Variants in ITSN1 observed in about 807,000 individuals in gnomAD.
The protein encoded by ITSN1 is intersectin 1, also known as intersectin-1.
In ITSN1, 58 loss-of-function variants were observed where a neutral mutation model predicts 239.8. The observed-to-expected ratio is 0.24, with a 90% confidence interval of 0.20 to 0.30. The LOEUF is 0.30. ITSN1 is among the 10% of genes least tolerant of loss of function. The pLI is 1.00. For missense variants in ITSN1, 1,558 were observed against 2,103.3 expected (o/e 0.74, Z 5.07); for synonymous variants, 780 against 770.8 (o/e 1.01, Z -0.20).
In ITSN1 at chr21:33,755,416, T is replaced by G. The variant is rs182931291; in HGVS notation, c.724+19T>G. On this transcript the variant is annotated intron_variant, in intron 8 of 39. Transcript: ENST00000381318. Reference sequence around the variant, plus strand: ...TTAACAGGTATTTACAAATAAAAATTAGTGAAATATGATCTTTGTTTTCAA... The same window carrying G: ...TTAACAGGTATTTACAAATAAAAATGAGTGAAATATGATCTTTGTTTTCAA... 3.1e-4 allele frequency: 405 copies of G among 1,303,280 alleles called. No homozygotes were observed. The African/African-American group carries it at 5.3e-3, about 17-fold the overall frequency. 80.7% of individuals were successfully genotyped at this position (1,303,280 alleles called of 1,614,324 possible).
intron 31 of ITSN1, among the ~76,000 whole-genome samples, chr21:33,859,879 C>T (rs562350483): frequency 6.6e-6 from 1 of 152,176 alleles, no homozygotes; most frequent in African/African-American, 2.4e-5. Context: ...TGCCCGCGCC[C>T]CCTGCCACCC....
chr21:33,768,149 G>A (rs1014272103), intron 11 of ITSN1, among the ~76,000 whole-genome samples: 1 of 152,186 alleles, frequency 6.6e-6, no homozygotes, highest in African/African-American at 2.4e-5. Flanking sequence ...GTATTAAGGT[G>A]ATTGCTTAAT....
chr21:33,888,445 T>G lies in ITSN1; in HGVS notation c.*145T>G. The G allele has an allele frequency of 1.3e-6, 1 of 761,932 alleles. No homozygotes were observed. Among genetic ancestry groups the G allele is most frequent in the Non-Finnish European group, 2.1e-6 (1 of 486,562 alleles). The allele number at this position is 761,932 out of a possible 1,614,324, so 47.2% of individuals were successfully genotyped here. A position where few individuals can be genotyped will look rare whatever the true frequency, so the allele number is the denominator to read the frequency against. On this transcript the variant is annotated 3_prime_UTR_variant, in exon 40 of 40. Coordinates refer to ENST00000381318, the MANE Select transcript of ITSN1 (RefSeq NM_003024.3). The stretch of plus-strand genomic sequence containing the variant: ...GCAAAGACAGGCCCCTCAAAGCTCC[T>G]AGGAATCATTCTCGACAATCCTCCC...
At chr21:33,720,087 G>T (rs1014160227) in intron 2 of ITSN1, among the ~76,000 whole-genome samples, 7 of 152,076 alleles carry the variant, frequency 4.6e-5, no homozygotes, top group Non-Finnish European at 1.0e-4. Context: ...TCTGGTTTTT[G>T]TTTATAGTTA....
rs186874321 is a variant in ITSN1, at chr21:33,755,807, C to G, written c.724+410C>G. Among the ~76,000 whole-genome samples, 1,096 of 151,442 alleles carry G rather than the reference C, an allele frequency of 7.2e-3. 14 individuals carry two copies. Among genetic ancestry groups the G allele is most frequent in the African/African-American group, 0.026 (1,042 of 40,720 alleles). On this transcript the variant is annotated intron_variant, in intron 8 of 39. Coordinates refer to ENST00000381318, the MANE Select transcript of ITSN1 (RefSeq NM_003024.3). The stretch of plus-strand genomic sequence containing the variant: ...AAAGCAGGGAGTTGAGAACATGGCT[C>G]TGTCTCAGATAACTGCCTAGATAGG...
chr21:33,664,654 G>A (rs566180903), intron 1 of ITSN1, among the ~76,000 whole-genome samples: 29 of 152,298 alleles, frequency 1.9e-4, no homozygotes, highest in Admixed American at 7.8e-4. Flanking sequence ...GAATGAGGTC[G>A]ATCACAGTTC....
Position 33,886,400 on chromosome 21 carries a change from G to T in ITSN1, c.4957G>T (p.Asp1653Tyr). 1 of 1,613,442 alleles carries T rather than the reference G, an allele frequency of 6.2e-7. No individual in the cohort carries two copies. The highest frequency in any genetic ancestry group is 8.5e-7 in the Non-Finnish European group (1 of 1,179,750). ...TTCCAACTGCCAGTTCTTCATCCGA[G>T]ACCTGGAGCAGGAAGTCCTCTGCAT... ...WNSNCQFFIR[D>Y]LEQEVLCITV... The change falls in exon 39 of 40, where the codon GAC (aspartate) becomes TAC (tyrosine). Residue 1653 changes from aspartate to tyrosine, a missense_variant. Asp to Tyr is a radical substitution (Grantham distance 160). Coordinates refer to ENST00000381318, the MANE Select transcript of ITSN1 (RefSeq NM_003024.3).
intron 34 of ITSN1, among the ~76,000 whole-genome samples, chr21:33,880,577 T>G (rs1984723948): frequency 6.6e-6 from 1 of 152,192 alleles, no homozygotes; most frequent in Non-Finnish European, 1.5e-5. Flanking sequence ...CAGTGGCCCC[T>G]TTCCAGCTGC....
At chr21:33,825,760 A>G (rs569300828) in intron 25 of ITSN1, among the ~76,000 whole-genome samples, 1 of 152,312 alleles carries the variant, frequency 6.6e-6, no homozygotes, top group South Asian at 2.1e-4. Context: ...CTATTGAAAA[A>G]TAGTGAGAGA....
chr21:33,884,653 T>A (rs1362521152), intron 36 of ITSN1, among the ~76,000 whole-genome samples: 2 of 152,150 alleles, frequency 1.3e-5, no homozygotes, highest in Non-Finnish European at 2.9e-5. Flanking sequence ...ATCTGGGAAG[T>A]GGTTTTTGTT....
intron 32 of ITSN1, 126 bp from the exon 33 acceptor site, chr21:33,867,107 G>C: frequency 1.6e-6 from 1 of 641,302 alleles, no homozygotes; most frequent in Admixed American, 2.5e-5. Flanking sequence ...TCCAACCCCA[G>C]GTCTCTCAGT....
chr21:33,735,233 A>G, intron 5 of ITSN1, 29 bp downstream of exon 5: 1 of 1,595,620 alleles, frequency 6.3e-7, no homozygotes. Context: ...TGGTTTCTGT[A>G]TTTTCTTGTA....
At chr21:33,765,627 A>C (rs1648510295) in intron 9 of ITSN1, among the ~76,000 whole-genome samples, 1 of 152,188 alleles carries the variant, frequency 6.6e-6, no homozygotes, top group Non-Finnish European at 1.5e-5. Context: ...ATTATATGTT[A>C]AATATGCAAA....
intron 1 of ITSN1, among the ~76,000 whole-genome samples, chr21:33,677,228 C>T (rs1230778597): frequency 6.6e-6 from 1 of 152,068 alleles, no homozygotes; most frequent in African/African-American, 2.4e-5. Context: ...TGGGTATTTC[C>T]AGCTCCTACT....
At chr21:33,768,918 G>T (rs2068915471) in intron 11 of ITSN1, among the ~76,000 whole-genome samples, 1 of 152,220 alleles carries the variant, frequency 6.6e-6, no homozygotes, top group Non-Finnish European at 1.5e-5. Context: ...ATACTTTCTA[G>T]AACCTTTAAA....
At chr21:33,853,567 T>C (rs191021389) in intron 29 of ITSN1, among the ~76,000 whole-genome samples, 114 of 152,286 alleles carry the variant, frequency 7.5e-4, no homozygotes, top group African/African-American at 2.6e-3. Context: ...CTTTTCCCCA[T>C]AGGTCCTTCT....
chr21:33,751,238 C>T (rs915784069), intron 6 of ITSN1, among the ~76,000 whole-genome samples: 9 of 152,160 alleles, frequency 5.9e-5, no homozygotes, highest in African/African-American at 1.9e-4. Flanking sequence ...CACTCTGAGT[C>T]TTCTATTCTT....
intron 29 of ITSN1, among the ~76,000 whole-genome samples, chr21:33,845,672 C>T (rs921804412): frequency 2.6e-5 from 4 of 152,200 alleles, no homozygotes; most frequent in African/African-American, 7.2e-5. Context: ...TCTGTGCTTG[C>T]AGAGGGGAAA....
intron 20 of ITSN1, among the ~76,000 whole-genome samples, chr21:33,806,226 T>C (rs1024695953): frequency 6.6e-5 from 10 of 151,882 alleles, no homozygotes; most frequent in African/African-American, 2.4e-4. Flanking sequence ...CAAAGACTTT[T>C]AATATCCTCA....
Sources: allele counts gnomAD v4.1 joint callset (sites outside exome capture counted in the v4.1 genomes callset), GRCh38; gene constraint gnomAD v4.1.1; transcripts MANE v1.5; gene names NCBI Gene and HGNC (gene_info 2026-07-23, HGNC 2026-07-21).